NREP: variants seen among roughly 807,000 people sequenced by gnomAD.
The protein encoded by NREP is neuronal regeneration related protein.
Under a neutral mutation model 8.6 loss-of-function variants are expected in NREP, and 5 were observed. That is an observed-to-expected ratio of 0.58 (90% CI 0.30 to 1.22). The LOEUF is 1.22. Ranked by LOEUF, NREP falls within the 50% of genes most tolerant of loss-of-function variation. The pLI, the probability that NREP is intolerant of heterozygous loss-of-function variation, is 0.07. For synonymous variants in NREP, 27 were observed against 28.0 expected (o/e 0.96, Z 0.11); for missense variants, 86 against 82.5 (o/e 1.04, Z -0.17).
chr5:111,736,963 C>CA (rs1316885860), intron 2 of NREP, among the ~76,000 whole-genome samples: 1 of 152,160 alleles, frequency 6.6e-6, no homozygotes. Flanking sequence ...CGCCTACCAC[C>CA]ACTCCCTCAA....
intron 2 of NREP, among the ~76,000 whole-genome samples, chr5:111,817,754 G>A (rs1399549027): frequency 7.2e-6 from 1 of 139,230 alleles, no homozygotes; most frequent in Non-Finnish European, 1.5e-5. Context: ...ACAGTGAGCT[G>A]AGATCGTGCC....
At chr5:111,865,487 A>G (rs963905929) in intron 2 of NREP, among the ~76,000 whole-genome samples, 5 of 152,190 alleles carry the variant, frequency 3.3e-5, no homozygotes, top group African/African-American at 1.2e-4. Context: ...AACATGTAAC[A>G]CTGAGAGCTT....
chr5:111,731,087 A>G (rs1748512112), intron 3 of NREP, 41 bp from the exon 4 acceptor site: 1 of 1,598,276 alleles, frequency 6.3e-7, no homozygotes. Flanking sequence ...GACACACATA[A>G]AAGACAAAAT....
intron 2 of NREP, among the ~76,000 whole-genome samples, chr5:111,926,408 C>T (rs528378514): frequency 3.4e-4 from 51 of 152,156 alleles, no homozygotes; most frequent in Admixed American, 1.9e-3. Flanking sequence ...AGAGCTGGGT[C>T]GATTGTGCAT....
Position 111,972,521 on chromosome 5 carries a change from G to C in NREP, c.135+2753C>G, listed in dbSNP as rs1384220884. Among the ~76,000 whole-genome samples, 6 of 152,176 alleles carry C rather than the reference G, an allele frequency of 3.9e-5. No individual in the cohort carries two copies. In the East Asian group the frequency reaches 9.6e-4, roughly 24 times the overall value. Reference sequence around the variant, plus strand: ...TGATTTTATTTTTTAATTATTTACTGACAACATTTACTGCCTTAGTGGCAG... The same window carrying C: ...TGATTTTATTTTTTAATTATTTACTCACAACATTTACTGCCTTAGTGGCAG... On this transcript the variant is annotated intron_variant, in intron 2 of 3. Coordinates refer to the NREP transcript ENST00000395634.
intron 2 of NREP, among the ~76,000 whole-genome samples, chr5:111,784,637 A>C (rs998471682): frequency 3.3e-5 from 5 of 152,070 alleles, no homozygotes; most frequent in Non-Finnish European, 7.4e-5. Context: ...TAACAAGTTT[A>C]TTTTTCTTCG....
At chr5:111,975,982 CT>C (rs1288640537) in intron 1 of NREP, among the ~76,000 whole-genome samples, 4 of 152,090 alleles carry the variant, frequency 2.6e-5, no homozygotes, top group Admixed American at 6.5e-5. Flanking sequence ...ATATCTAATT[CT>C]TTTACAAATT....
intron 2 of NREP, among the ~76,000 whole-genome samples, chr5:111,812,057 G>A (rs1457409826): frequency 1.3e-5 from 2 of 152,158 alleles, no homozygotes; most frequent in East Asian, 1.9e-4. Context: ...GGAGGCCGAG[G>A]CAGGTGGATC....
chr5:111,964,855 CAA>C (rs58877839), intron 2 of NREP, among the ~76,000 whole-genome samples: 797 of 44,632 alleles, frequency 0.018, 6 homozygotes, highest in East Asian at 0.052. Context: ...CTTTCAGCAG[CAA>C]AAAAAAAAAA....
At chr5:111,890,939 T>C (rs1342562186) in intron 2 of NREP, among the ~76,000 whole-genome samples, 1 of 152,266 alleles carries the variant, frequency 6.6e-6, no homozygotes, top group Non-Finnish European at 1.5e-5. Context: ...TTTTTAATTA[T>C]GCAAATTTCT....
At chr5:111,744,205 G>A (rs1749858452) in intron 2 of NREP, among the ~76,000 whole-genome samples, 1 of 152,090 alleles carries the variant, frequency 6.6e-6, no homozygotes, top group Non-Finnish European at 1.5e-5. Flanking sequence ...TCTTCTACTG[G>A]TAGCTGCAAA....
intron 2 of NREP, among the ~76,000 whole-genome samples, chr5:111,888,349 G>C (rs948757516): frequency 3.3e-5 from 5 of 151,894 alleles, no homozygotes; most frequent in African/African-American, 1.2e-4. Context: ...TGGCGGGGGG[G>C]GTCTCAGGAA....
chr5:111,945,076 C>A (rs1324313452), intron 2 of NREP, among the ~76,000 whole-genome samples: 2 of 152,040 alleles, frequency 1.3e-5, no homozygotes, highest in African/African-American at 4.8e-5. Context: ...ACAATTCTTC[C>A]TTGAAGGTTT....
chr5:111,741,824 T>TAC (rs112980817), intron 2 of NREP, among the ~76,000 whole-genome samples: 1,546 of 73,448 alleles, frequency 0.021, 28 homozygotes, highest in African/African-American at 0.05. Context: ...AACACACACA[T>TAC]ACACACACAC....
At chr5:111,874,436 A>G (rs930667348) in intron 2 of NREP, among the ~76,000 whole-genome samples, 9 of 152,152 alleles carry the variant, frequency 5.9e-5, no homozygotes, top group Non-Finnish European at 1.2e-4. Flanking sequence ...TCCTAAGAAG[A>G]TAGTTTTCCA....
chr5:111,795,519 G>T (rs1751854246), intron 2 of NREP, among the ~76,000 whole-genome samples: 1 of 152,156 alleles, frequency 6.6e-6, no homozygotes. Flanking sequence ...CACCCTAATA[G>T]TCTAGGACTT....
chr5:111,778,806 A>G lies in NREP; in HGVS notation c.136-43299T>C, dbSNP rs779437025. ...AGCCCCCTCAAATAAAATTCACTAT[A>G]CAGAGGTTACTACATGTAAAATATC... On this transcript the variant is annotated intron_variant, in intron 2 of 3. Coordinates refer to the NREP transcript ENST00000395634. Among the ~76,000 whole-genome samples the G allele has an allele frequency of 3.3e-3, 506 of 152,306 alleles. 1 individual carries two copies. Among genetic ancestry groups the G allele is most frequent in the South Asian group, 0.018 (85 of 4,828 alleles).
At chr5:111,909,787 T>C (rs544150408) in intron 2 of NREP, among the ~76,000 whole-genome samples, 7 of 152,266 alleles carry the variant, frequency 4.6e-5, no homozygotes, top group Admixed American at 2.0e-4. Context: ...AGCTGTGTTC[T>C]CTCAGCCTTT....
At chr5:111,884,039 G>C (rs899851912) in intron 2 of NREP, among the ~76,000 whole-genome samples, 26 of 152,060 alleles carry the variant, frequency 1.7e-4, no homozygotes, top group Admixed American at 3.9e-4. Context: ...CCAGGAGCTG[G>C]TTTTTTGAAA....
Sources: allele counts gnomAD v4.1 joint callset (sites outside exome capture counted in the v4.1 genomes callset), GRCh38; gene constraint gnomAD v4.1.1; transcripts MANE v1.5; gene names NCBI Gene and HGNC (gene_info 2026-07-23, HGNC 2026-07-21).